Variants in NCKAP5 observed in about 807,000 individuals in gnomAD.
The protein encoded by NCKAP5 is nck-associated protein 5.
In NCKAP5, 92 loss-of-function variants were observed where a neutral mutation model predicts 167.0. The ratio of observed to expected loss-of-function variants is 0.55; its 90% confidence interval spans 0.47 to 0.66. The LOEUF (loss-of-function observed/expected upper bound fraction) is 0.66, where lower values mean the gene tolerates loss of function less well. Ranked by LOEUF, NCKAP5 falls within the 30% of genes least tolerant of loss-of-function variation. NCKAP5 has a pLI of 0.00. For missense variants in NCKAP5, 2,378 were observed against 2,315.0 expected (o/e 1.03, Z -0.56); for synonymous variants, 891 against 877.4 (o/e 1.02, Z -0.27).
chr2:133,135,354 G>T (rs1427838924), intron 5 of NCKAP5, among the ~76,000 whole-genome samples: 1 of 149,444 alleles, frequency 6.7e-6, no homozygotes, highest in Non-Finnish European at 1.5e-5. Context: ...AGCCCAGTGT[G>T]GCTGGAAGCT....
intron 11 of NCKAP5, among the ~76,000 whole-genome samples, chr2:132,826,901 C>T (rs764671347): frequency 2.6e-5 from 4 of 152,212 alleles, no homozygotes; most frequent in South Asian, 2.1e-4. Flanking sequence ...ATCTGCAGTG[C>T]GATGGGTGCT....
At chr2:133,245,868 C>CA (rs1196681938) in intron 4 of NCKAP5, among the ~76,000 whole-genome samples, 1 of 90,160 alleles carries the variant, frequency 1.1e-5, no homozygotes. Context: ...TAACTCAGAG[C>CA]AAAAAAGGAT....
chr2:133,513,308 G>A (rs1683658281), intron 3 of NCKAP5, among the ~76,000 whole-genome samples: 1 of 152,202 alleles, frequency 6.6e-6, no homozygotes, highest in African/African-American at 2.4e-5. Flanking sequence ...GCAACTTTAG[G>A]CAAAGGTGCC....
intron 3 of NCKAP5, among the ~76,000 whole-genome samples, chr2:133,454,929 T>G (rs1021504634): frequency 6.6e-6 from 1 of 152,102 alleles, no homozygotes; most frequent in Admixed American, 6.6e-5. Flanking sequence ...AGTTATATAC[T>G]TTCATCCAAA....
chr2:133,504,080 T>G (rs1421842285), intron 3 of NCKAP5, among the ~76,000 whole-genome samples: 1 of 152,036 alleles, frequency 6.6e-6, no homozygotes, highest in East Asian at 1.9e-4. Flanking sequence ...AAAAAAAAAG[T>G]CTAATGTTGG....
At chr2:133,282,247 A>T (rs2089961357) in intron 4 of NCKAP5, among the ~76,000 whole-genome samples, 1 of 152,182 alleles carries the variant, frequency 6.6e-6, no homozygotes, top group Non-Finnish European at 1.5e-5. Context: ...ATAAAGTATT[A>T]TTATTTCTTT....
chr2:133,281,603 G>A (rs949370654), intron 4 of NCKAP5, among the ~76,000 whole-genome samples: 1 of 152,122 alleles, frequency 6.6e-6, no homozygotes, highest in African/African-American at 2.4e-5. Context: ...AAAAATGTTA[G>A]CACCATCACA....
intron 18 of NCKAP5, among the ~76,000 whole-genome samples, chr2:132,726,262 G>A (rs1690448950): frequency 6.6e-6 from 1 of 152,218 alleles, no homozygotes; most frequent in Admixed American, 6.5e-5. Context: ...CAAAAGGACA[G>A]TAGCTTTTAG....
chr2:133,394,024 C>A (rs1246507279), intron 3 of NCKAP5, among the ~76,000 whole-genome samples: 4 of 152,314 alleles, frequency 2.6e-5, no homozygotes, highest in Non-Finnish European at 5.9e-5. Flanking sequence ...TTGTAACCAG[C>A]CCTATACTGG....
intron 6 of NCKAP5, among the ~76,000 whole-genome samples, chr2:133,098,497 T>C (rs1404911630): frequency 6.6e-6 from 1 of 152,236 alleles, no homozygotes; most frequent in Non-Finnish European, 1.5e-5. Flanking sequence ...TTTAGAGTTA[T>C]GTTTCAACAA....
At chr2:132,970,129 A>G (rs2076789857) in intron 7 of NCKAP5, among the ~76,000 whole-genome samples, 1 of 152,214 alleles carries the variant, frequency 6.6e-6, no homozygotes, top group African/African-American at 2.4e-5. Flanking sequence ...TAGATAGACT[A>G]GCAGTTGGAT....
At position 133,340,134 on chromosome 2, in the gene NCKAP5, T is replaced by A. The variant is rs189364588; in HGVS notation, c.70-37024A>T. 1.5e-3 allele frequency among the ~76,000 whole-genome samples: 228 copies of A among 152,318 alleles called. 1 individual carries two copies. Among genetic ancestry groups the A allele is most frequent in the Middle Eastern group, 6.8e-3 (2 of 294 alleles). ...AGCTGCCATACATATCAAGGATGGC[T>A]TTTCATGGGGCAAAACGGAATCATT... On this transcript the variant is annotated intron_variant, in intron 3 of 19. Transcript: ENST00000409261.
At chr2:132,836,517 T>TATTCATCAG (rs1311159297) in intron 11 of NCKAP5, among the ~76,000 whole-genome samples, 2 of 152,206 alleles carry the variant, frequency 1.3e-5, no homozygotes, top group African/African-American at 2.4e-5. Flanking sequence ...TGCTCATCAG[T>TATTCATCAG]AACACGTTCC....
At chr2:133,387,266 G>T (rs1389844590) in intron 3 of NCKAP5, among the ~76,000 whole-genome samples, 3 of 152,138 alleles carry the variant, frequency 2.0e-5, no homozygotes, top group Non-Finnish European at 4.4e-5. Context: ...CTCAGCAGTT[G>T]CTTGTCTGTA....
the NCKAP5 span, among the ~76,000 whole-genome samples, chr2:133,618,314 T>C: frequency 3.4e-5 from 5 of 147,882 alleles, no homozygotes; most frequent in Admixed American, 3.4e-4. Flanking sequence ...GGGATCTAAT[T>C]AAACTAAAGA....
intron 4 of NCKAP5, among the ~76,000 whole-genome samples, chr2:133,224,851 A>G: frequency 6.6e-6 from 1 of 152,172 alleles, no homozygotes; most frequent in East Asian, 1.9e-4. Flanking sequence ...TCGAGTGTAA[A>G]GTCAAACACT....
chr2:133,308,158 G>A (rs1453311616), intron 3 of NCKAP5, among the ~76,000 whole-genome samples: 9 of 140,060 alleles, frequency 6.4e-5, no homozygotes, highest in Admixed American at 4.6e-4. Flanking sequence ...GCGGGATCTC[G>A]GCTCACTGCA....
Position 132,816,786 on chromosome 2 carries a change from C to T in NCKAP5, c.808-20057G>A, listed in dbSNP as rs146228743. On this transcript the variant is annotated intron_variant, in intron 11 of 19. Transcript: ENST00000409261. Reference sequence around the variant, plus strand: ...GCTCTTAGCAAAACCCCTGAGCAGACAATCAATGAAGGTATATAAAATGGC... The same window carrying T: ...GCTCTTAGCAAAACCCCTGAGCAGATAATCAATGAAGGTATATAAAATGGC... Among the ~76,000 whole-genome samples, 215 of 152,242 alleles carry T rather than the reference C, an allele frequency of 1.4e-3. 1 individual carries two copies. Among genetic ancestry groups the T allele is most frequent in the African/African-American group, 4.9e-3 (204 of 41,550 alleles).
At chr2:132,777,151 T>C (rs1682623065) in intron 15 of NCKAP5, among the ~76,000 whole-genome samples, 1 of 152,198 alleles carries the variant, frequency 6.6e-6, no homozygotes, top group African/African-American at 2.4e-5. Context: ...GCTTTGGGTG[T>C]CTTCTAATGA....
Sources: allele counts gnomAD v4.1 joint callset (sites outside exome capture counted in the v4.1 genomes callset), GRCh38; gene constraint gnomAD v4.1.1; transcripts MANE v1.5; gene names NCBI Gene and HGNC (gene_info 2026-07-23, HGNC 2026-07-21).